Variants in NR3C2 observed in about 807,000 individuals in gnomAD.
The protein encoded by NR3C2 is mineralocorticoid receptor.
In NR3C2, 15 loss-of-function variants were observed where a neutral mutation model predicts 86.4. The observed-to-expected ratio is 0.17, with a 90% confidence interval of 0.12 to 0.27. The LOEUF (loss-of-function observed/expected upper bound fraction) is 0.27. Ranked by LOEUF, NR3C2 falls within the 10% of genes least tolerant of loss-of-function variation. The pLI is 1.00. For synonymous variants in NR3C2, 458 were observed against 450.5 expected, an observed-to-expected ratio of 1.02 and a Z score of -0.21; for missense variants, 960 against 1,195.6, an observed-to-expected ratio of 0.80 and a Z score of 2.91.
At chr4:148,291,743 A>G (rs1741804697) in intron 2 of NR3C2, among the ~76,000 whole-genome samples, 1 of 152,122 alleles carries the variant, frequency 6.6e-6, no homozygotes, top group African/African-American at 2.4e-5. Flanking sequence ...ATTTCTACTA[A>G]TGTATAGATG....
intron 2 of NR3C2, among the ~76,000 whole-genome samples, chr4:148,362,997 G>A (rs1000802367): frequency 2.6e-5 from 4 of 152,150 alleles, no homozygotes; most frequent in African/African-American, 7.2e-5. Context: ...GTTGAAAAGT[G>A]GTTAGATTTT....
At chr4:148,417,177 C>T (rs1348410540) in intron 2 of NR3C2, among the ~76,000 whole-genome samples, 2 of 152,058 alleles carry the variant, frequency 1.3e-5, no homozygotes, top group African/African-American at 2.4e-5. Flanking sequence ...AGTATTAGCT[C>T]TTATTATGGA....
chr4:148,334,889 G>T (rs1296199998), intron 2 of NR3C2, among the ~76,000 whole-genome samples: 1 of 152,094 alleles, frequency 6.6e-6, no homozygotes, highest in Non-Finnish European at 1.5e-5. Flanking sequence ...TTCTCTCCTC[G>T]CTTCTGGTGT....
At chr4:148,230,159 G>C (rs906923118) in intron 3 of NR3C2, among the ~76,000 whole-genome samples, 1 of 152,116 alleles carries the variant, frequency 6.6e-6, no homozygotes, top group South Asian at 2.1e-4. Context: ...ACTTACAGGG[G>C]AGAACAGAGA....
At chr4:148,203,673 C>A (rs545055820) in intron 3 of NR3C2, among the ~76,000 whole-genome samples, 1 of 134,378 alleles carries the variant, frequency 7.4e-6, no homozygotes, top group East Asian at 2.7e-4. Flanking sequence ...CGCCCCCGTT[C>A]TTATAATGTC....
intron 6 of NR3C2, among the ~76,000 whole-genome samples, chr4:148,123,280 G>A (rs925649891): frequency 6.6e-6 from 1 of 152,136 alleles, no homozygotes; most frequent in Non-Finnish European, 1.5e-5. Context: ...GTTTTCTGTT[G>A]TTTAAGATGT....
At chr4:148,246,180 G>A (rs1464913193) in intron 3 of NR3C2, among the ~76,000 whole-genome samples, 1 of 152,068 alleles carries the variant, frequency 6.6e-6, no homozygotes, top group Non-Finnish European at 1.5e-5. Context: ...AAAAAGACTG[G>A]TCTACAACAG....
At chr4:148,233,111 C>T (rs778279684) in intron 3 of NR3C2, among the ~76,000 whole-genome samples, 1 of 152,170 alleles carries the variant, frequency 6.6e-6, no homozygotes. Flanking sequence ...ACAAATTAAA[C>T]CAGCCACATG....
chr4:148,435,503 A>G lies in NR3C2; in HGVS notation c.1358T>C (p.Met453Thr). 1 of 1,614,172 alleles carries G rather than the reference A, an allele frequency of 6.2e-7. No individual in the cohort carries two copies. The highest frequency in any genetic ancestry group is 1.1e-5 in the South Asian group (1 of 91,084). The change falls in exon 2 of 9, where the codon ATG (methionine) becomes ACG (threonine). Residue 453 changes from methionine to threonine, a missense_variant. Met to Thr is a moderately conservative substitution (Grantham distance 81, BLOSUM62 -1). Transcript: ENST00000358102. ...GNPTVNPFPF[M>T]DGSYFSFMDD... Reference sequence around the variant, plus strand: ...CATAAAGGAAAAATACGAGCCATCCATAAATGGAAACGGGTTTACTGTTGG... The same window carrying G: ...CATAAAGGAAAAATACGAGCCATCCGTAAATGGAAACGGGTTTACTGTTGG...
At chr4:148,291,645 A>G (rs1451180205) in intron 2 of NR3C2, among the ~76,000 whole-genome samples, 1 of 152,040 alleles carries the variant, frequency 6.6e-6, no homozygotes, top group East Asian at 1.9e-4. Flanking sequence ...TTGATGTCTG[A>G]TTACTTTCTT....
chr4:148,300,664 C>G (rs1742296243), intron 2 of NR3C2, among the ~76,000 whole-genome samples: 1 of 150,016 alleles, frequency 6.7e-6, no homozygotes, highest in Non-Finnish European at 1.5e-5. Context: ...CCTCCACCTC[C>G]TGGGTTCCAG....
intron 2 of NR3C2, among the ~76,000 whole-genome samples, chr4:148,392,299 G>C (rs116166373): frequency 1.8e-3 from 277 of 152,270 alleles, no homozygotes; most frequent in African/African-American, 6.3e-3. Flanking sequence ...GGTGTTCTAT[G>C]AATGTCCTAA....
intron 8 of NR3C2, among the ~76,000 whole-genome samples, chr4:148,097,127 G>A (rs752060376): frequency 1.3e-5 from 2 of 152,096 alleles, no homozygotes; most frequent in Admixed American, 6.5e-5. Flanking sequence ...TTTAGGAAAC[G>A]CCTTAGAAAG....
chr4:148,086,776 A>G (rs949013940), intron 8 of NR3C2, among the ~76,000 whole-genome samples: 1 of 152,114 alleles, frequency 6.6e-6, no homozygotes, highest in African/African-American at 2.4e-5. Flanking sequence ...GTATTGATGG[A>G]ACATATCTCA....
intron 3 of NR3C2, among the ~76,000 whole-genome samples, chr4:148,212,563 C>T (rs1737334034): frequency 6.6e-6 from 1 of 152,220 alleles, no homozygotes; most frequent in African/African-American, 2.4e-5. Flanking sequence ...GTAGAAGTTA[C>T]TGTTTAAAAC....
chr4:148,098,413 T>C (rs1440472120), intron 8 of NR3C2, among the ~76,000 whole-genome samples: 1 of 152,108 alleles, frequency 6.6e-6, no homozygotes, highest in African/African-American at 2.4e-5. Context: ...TAGACAGCAC[T>C]GGGGCTCTAT....
At chr4:148,113,885 T>C (rs571743663) in intron 8 of NR3C2, among the ~76,000 whole-genome samples, 2 of 152,286 alleles carry the variant, frequency 1.3e-5, no homozygotes, top group African/African-American at 4.8e-5. Context: ...CTGGCACTAC[T>C]CTTGGCCCAT....
At chr4:148,433,928 A>T (rs1183396093) in intron 2 of NR3C2, among the ~76,000 whole-genome samples, 2 of 152,206 alleles carry the variant, frequency 1.3e-5, no homozygotes, top group African/African-American at 4.8e-5. Flanking sequence ...GAAACTATAA[A>T]AATGTATCCT....
chr4:148,420,214 TA>T (rs1293652430), intron 2 of NR3C2, among the ~76,000 whole-genome samples: 4 of 152,130 alleles, frequency 2.6e-5, no homozygotes, highest in African/African-American at 9.7e-5. Flanking sequence ...CCAGAAAATA[TA>T]ACTGAATAAA....
Sources: allele counts gnomAD v4.1 joint callset (sites outside exome capture counted in the v4.1 genomes callset), GRCh38; gene constraint gnomAD v4.1.1; transcripts MANE v1.5; gene names NCBI Gene and HGNC (gene_info 2026-07-23, HGNC 2026-07-21).